The following CLASP2 variants were observed in gnomAD, a reference collection of about 807,000 sequenced individuals.
CLASP2 encodes the protein CLIP-associating protein 2.
A neutral mutation model predicts 194.4 loss-of-function variants in CLASP2; 47 were observed. That is an observed-to-expected ratio of 0.24 (90% CI 0.19 to 0.31). CLASP2 has a LOEUF of 0.31. Among genes scored for constraint, CLASP2 ranks in the 10% least tolerant of loss-of-function variants. CLASP2 has a pLI of 1.00. For synonymous variants in CLASP2, 619 were observed against 633.5 expected (o/e 0.98, Z 0.34); for missense variants, 1,445 against 1,823.6 (o/e 0.79, Z 3.78).
intron 16 of CLASP2, 118 bp from the exon 17 acceptor site, chr3:33,604,327 T>A (rs899448158): frequency 1.4e-6 from 1 of 722,396 alleles, no homozygotes; most frequent in East Asian, 3.2e-5. Context: ...TTTCTTTTTT[T>A]TTTTTTTTGA....
At chr3:33,555,968 G>A (rs1017105455) in intron 29 of CLASP2, among the ~76,000 whole-genome samples, 2 of 152,082 alleles carry the variant, frequency 1.3e-5, no homozygotes, top group African/African-American at 4.8e-5. Flanking sequence ...TATTTTACAA[G>A]GTTATACCTA....
chr3:33,716,975 A>C (rs964580752), intron 1 of CLASP2, among the ~76,000 whole-genome samples: 2 of 152,240 alleles, frequency 1.3e-5, no homozygotes, highest in Non-Finnish European at 2.9e-5. Flanking sequence ...CCAGAAGACA[A>C]GAAAGAAAAG....
At chr3:33,534,379 T>C (rs2056935578) in intron 34 of CLASP2, among the ~76,000 whole-genome samples, 1 of 151,878 alleles carries the variant, frequency 6.6e-6, no homozygotes, top group Non-Finnish European at 1.5e-5. Context: ...CTAGGGAACA[T>C]AGGGAGGCCC....
At chr3:33,688,086 A>C (rs2090918386) in intron 4 of CLASP2, among the ~76,000 whole-genome samples, 191 bp downstream of exon 4, 1 of 152,220 alleles carries the variant, frequency 6.6e-6, no homozygotes, top group Non-Finnish European at 1.5e-5. Context: ...CTTATTACTG[A>C]CATAACTGAA....
intron 8 of CLASP2, among the ~76,000 whole-genome samples, chr3:33,639,690 A>T (rs1290547555): frequency 2.6e-5 from 4 of 152,218 alleles, no homozygotes; most frequent in Non-Finnish European, 4.4e-5. Flanking sequence ...CGTACTGTAT[A>T]ATCAACGTTA....
chr3:33,500,039 CT>C (rs750565639), intron 38 of CLASP2, among the ~76,000 whole-genome samples: 64 of 147,146 alleles, frequency 4.3e-4, no homozygotes, highest in African/African-American at 5.9e-4. Flanking sequence ...CTGTGTTCTA[CT>C]TTTTTTTTTT....
intron 36 of CLASP2, among the ~76,000 whole-genome samples, chr3:33,515,033 G>C (rs1457521679): frequency 1.3e-5 from 2 of 152,098 alleles, no homozygotes; most frequent in African/African-American, 2.4e-5. Flanking sequence ...AGGGTGCAAA[G>C]GTATAAAATG....
At chr3:33,689,571 G>C in intron 3 of CLASP2, among the ~76,000 whole-genome samples, 1 of 151,726 alleles carries the variant, frequency 6.6e-6, no homozygotes, top group East Asian at 1.9e-4. Flanking sequence ...AAATCCTAAA[G>C]TATAACATAA....
At chr3:33,667,406 C>CAAAAAAAAAAAAAAA (rs537846651) in intron 6 of CLASP2, among the ~76,000 whole-genome samples, 523 of 44,098 alleles carry the variant, frequency 0.012, 65 homozygotes, top group African/African-American at 0.019. Flanking sequence ...GAGACTATCT[C>CAAAAAAAAAAAAAAA]AAAAAAAAAA....
rs984228619 is a variant in CLASP2 at position 33,498,370 on chromosome 3, A to G, written c.*261T>C. 4 of 318,738 alleles carry G rather than the reference A, an allele frequency of 1.3e-5. No homozygotes were observed. The highest frequency in any genetic ancestry group is 8.5e-5 in the African/African-American group (4 of 46,850). The allele number at this position is 318,738 out of a possible 1,614,324, so 19.7% of individuals were successfully genotyped here. On this transcript the variant is annotated 3_prime_UTR_variant, in exon 39 of 39. Transcript: ENST00000682230. ...CAAAGTACAAACATGTGAAATGATG[A>G]ATTAAATTAAAAATTACTTTGTGTC...
rs564460248 is a variant in CLASP2, at chr3:33,527,457, T to C, written c.3787+7776A>G. 2.6e-4 allele frequency among the ~76,000 whole-genome samples: 40 copies of C among 152,200 alleles called. 1 individual carries two copies. The South Asian group carries it at 6.4e-3, about 24-fold the overall frequency. Reference sequence around the variant, plus strand: ...AACAGACTAATAACAAGCTCCAAAATTGAATCAGTAAAACACAGCCTACCA... The same window carrying C: ...AACAGACTAATAACAAGCTCCAAAACTGAATCAGTAAAACACAGCCTACCA... On this transcript the variant is annotated intron_variant, in intron 34 of 38. Transcript: ENST00000682230.
rs1010868148 is a variant in CLASP2 at position 33,660,310 on chromosome 3, C to T, written c.715+3135G>A. Among the ~76,000 whole-genome samples the T allele has an allele frequency of 4.6e-5, 7 of 152,146 alleles. 1 individual carries two copies. Among genetic ancestry groups the T allele is most frequent in the Non-Finnish European group, 1.0e-4 (7 of 68,036 alleles). On this transcript the variant is annotated intron_variant, in intron 7 of 38. Coordinates refer to ENST00000682230, the MANE Select transcript of CLASP2 (RefSeq NM_001365631.1). ...TTCCCTCCTTCTAGTCACGATCTGA[C>T]AGATTTTAAATCCAGTTTTCTTCTA...
chr3:33,534,599 T>G (rs2056984854), intron 34 of CLASP2, among the ~76,000 whole-genome samples: 1 of 152,148 alleles, frequency 6.6e-6, no homozygotes, highest in African/African-American at 2.4e-5. Context: ...TGTAGTGTTT[T>G]GTACTATATC....
intron 1 of CLASP2, among the ~76,000 whole-genome samples, chr3:33,698,769 G>A (rs993888342): frequency 3.3e-5 from 5 of 152,126 alleles, no homozygotes; most frequent in African/African-American, 1.2e-4. Context: ...TCATCTCCAG[G>A]CATAAGTACT....
chr3:33,570,601 A>T, intron 26 of CLASP2, 126 bp downstream of exon 26: 2 of 1,201,532 alleles, frequency 1.7e-6, no homozygotes, highest in Non-Finnish European at 2.4e-6. Flanking sequence ...AAACAATTTT[A>T]ATTATGCTTG....
At chr3:33,564,996 T>C (rs1326277246) in intron 27 of CLASP2, among the ~76,000 whole-genome samples, 2 of 152,154 alleles carry the variant, frequency 1.3e-5, no homozygotes. Flanking sequence ...TTTTAAACTG[T>C]GTGGGTCCAC....
intron 9 of CLASP2, among the ~76,000 whole-genome samples, chr3:33,628,321 C>T (rs1236642153): frequency 6.6e-6 from 1 of 152,106 alleles, no homozygotes; most frequent in Non-Finnish European, 1.5e-5. Context: ...ACCCCTCTGC[C>T]GTTTTCCAGA....
intron 18 of CLASP2, among the ~76,000 whole-genome samples, chr3:33,599,801 AAGG>A (rs1032778964): frequency 2.6e-5 from 4 of 152,122 alleles, no homozygotes; most frequent in South Asian, 2.1e-4. Flanking sequence ...GGAGGGTAAG[AAGG>A]AGAACATCCT....
intron 1 of CLASP2, among the ~76,000 whole-genome samples, chr3:33,712,104 G>A (rs1351344176): frequency 6.6e-6 from 1 of 152,166 alleles, no homozygotes; most frequent in Non-Finnish European, 1.5e-5. Context: ...CAAAGATATG[G>A]AACCAACCTA....
Sources: allele counts gnomAD v4.1 joint callset (sites outside exome capture counted in the v4.1 genomes callset), GRCh38; gene constraint gnomAD v4.1.1; transcripts MANE v1.5; gene names NCBI Gene and HGNC (gene_info 2026-07-23, HGNC 2026-07-21).